RIMS2: variants seen among roughly 807,000 people sequenced by gnomAD.
RIMS2 encodes the protein regulating synaptic membrane exocytosis protein 2.
In RIMS2, 59 loss-of-function variants were observed where a neutral mutation model predicts 174.4. The observed-to-expected ratio is 0.34, with a 90% CI of 0.27 to 0.42. The LOEUF (loss-of-function observed/expected upper bound fraction) is 0.42. Among genes scored for constraint, RIMS2 ranks in the 10% least tolerant of loss-of-function variants. RIMS2 has a pLI of 1.00. For synonymous variants in RIMS2, 606 were observed against 572.5 expected, an observed-to-expected ratio of 1.06 and a Z score of -0.84; for missense variants, 1,620 against 1,666.3, an observed-to-expected ratio of 0.97 and a Z score of 0.48.
chr8:103,833,871 G>A (rs146476656), intron 3 of RIMS2, among the ~76,000 whole-genome samples: 199 of 152,178 alleles, frequency 1.3e-3, no homozygotes, highest in African/African-American at 4.5e-3. Context: ...TTTCTCTTGA[G>A]TATGGATCTT....
At chr8:103,558,303 CCT>C (rs2090901472) in intron 1 of RIMS2, among the ~76,000 whole-genome samples, 1 of 152,274 alleles carries the variant, frequency 6.6e-6, no homozygotes, top group African/African-American at 2.4e-5. Flanking sequence ...CTCACTGCAA[CCT>C]CTGTCTCCTG....
chr8:104,074,700 T>C (rs1284722670), intron 19 of RIMS2, among the ~76,000 whole-genome samples: 1 of 152,096 alleles, frequency 6.6e-6, no homozygotes, highest in African/African-American at 2.4e-5. Flanking sequence ...TTTTTTTTAA[T>C]TAAAGGAGAC....
At chr8:104,073,007 C>G (rs1223089553) in intron 19 of RIMS2, among the ~76,000 whole-genome samples, 3 of 151,890 alleles carry the variant, frequency 2.0e-5, no homozygotes, top group Non-Finnish European at 4.4e-5. Flanking sequence ...TTTTTTTATC[C>G]CAGCTTGAAT....
At chr8:104,116,392 TATAA>T (rs1211583148) in intron 19 of RIMS2, among the ~76,000 whole-genome samples, 3 of 152,192 alleles carry the variant, frequency 2.0e-5, no homozygotes, top group African/African-American at 7.2e-5. Context: ...GTTAAATATG[TATAA>T]ATAAATTATC....
intron 3 of RIMS2, among the ~76,000 whole-genome samples, chr8:103,864,339 T>C (rs961871444): frequency 2.0e-5 from 3 of 152,194 alleles, no homozygotes; most frequent in Admixed American, 6.5e-5. Flanking sequence ...CTTAACATTC[T>C]TTTTGCTGCA....
At chr8:103,641,848 C>G (rs1476315730) in intron 1 of RIMS2, among the ~76,000 whole-genome samples, 1 of 152,102 alleles carries the variant, frequency 6.6e-6, no homozygotes, top group African/African-American at 2.4e-5. Flanking sequence ...AGGCCCTCAT[C>G]TGATGCAGAT....
intron 3 of RIMS2, among the ~76,000 whole-genome samples, chr8:103,771,988 G>A (rs531167756): frequency 7.6e-4 from 116 of 152,028 alleles, no homozygotes; most frequent in African/African-American, 2.5e-3. Flanking sequence ...AAGTTTTAAG[G>A]TAGGTTCAAT....
At chr8:103,794,616 CA>C (rs1192340613) in intron 3 of RIMS2, among the ~76,000 whole-genome samples, 2 of 152,112 alleles carry the variant, frequency 1.3e-5, no homozygotes, top group Non-Finnish European at 2.9e-5. Flanking sequence ...TTCTGCACAG[CA>C]AAAGAAACCA....
At chr8:103,870,423 A>T (rs1168154674) in intron 3 of RIMS2, among the ~76,000 whole-genome samples, 1 of 151,760 alleles carries the variant, frequency 6.6e-6, no homozygotes, top group Non-Finnish European at 1.5e-5. Context: ...ATAATAAAAA[A>T]AATTATAGCA....
At chr8:104,201,484 G>A (rs1173082272) in intron 19 of RIMS2, among the ~76,000 whole-genome samples, 5 of 152,144 alleles carry the variant, frequency 3.3e-5, no homozygotes. Context: ...ATCGAGGAAT[G>A]TAAAAAATTC....
At chr8:103,758,541 G>C (rs903278683) in intron 2 of RIMS2, among the ~76,000 whole-genome samples, 1 of 151,998 alleles carries the variant, frequency 6.6e-6, no homozygotes, top group African/African-American at 2.4e-5. Flanking sequence ...ATTTCAGTTT[G>C]TCATTTCACA....
At chr8:103,885,417 A>G (rs1398491815) in exon 4 of RIMS2, 1 of 1,611,982 alleles carries the variant, frequency 6.2e-7, no homozygotes, top group Admixed American at 1.7e-5. Flanking sequence ...CCATCAGATT[A>G]TGCTGATAGG....
chr8:103,919,262 T>G (rs1236660247), intron 9 of RIMS2, among the ~76,000 whole-genome samples: 1 of 152,138 alleles, frequency 6.6e-6, no homozygotes, highest in Non-Finnish European at 1.5e-5. Context: ...GGGGAAATCT[T>G]TCCAGGTACA....
rs1395822365 is a variant in RIMS2 at position 103,825,747 on chromosome 8, A to T, written c.698+59210A>T. ...TTTTATTTCTTTTAGGTAAATAACT[A>T]AAAGAGAAATTTGTGGATCATAGCG... On this transcript the variant is annotated intron_variant, in intron 3 of 23. Transcript: ENST00000504942. Among the ~76,000 whole-genome samples, 4 of 152,254 alleles carry T rather than the reference A, an allele frequency of 2.6e-5. No homozygotes were observed. The East Asian group carries it at 7.7e-4, about 29-fold the overall frequency.
chr8:103,676,348 G>C (rs1399585290), intron 1 of RIMS2, among the ~76,000 whole-genome samples: 1 of 152,150 alleles, frequency 6.6e-6, no homozygotes, highest in Non-Finnish European at 1.5e-5. Flanking sequence ...TGAGCTCAGG[G>C]TAGAGCCCCT....
intron 3 of RIMS2, among the ~76,000 whole-genome samples, chr8:103,858,988 G>T (rs935626426): frequency 8.6e-5 from 13 of 151,974 alleles, no homozygotes; most frequent in African/African-American, 2.2e-4. Flanking sequence ...GATAATTAAG[G>T]TTCGAATTAA....
At chr8:103,969,596 C>T (rs1221177298) in intron 15 of RIMS2, among the ~76,000 whole-genome samples, 1 of 152,174 alleles carries the variant, frequency 6.6e-6, no homozygotes, top group South Asian at 2.1e-4. Context: ...TCTATTCCTG[C>T]AGGCTGTCCA....
At chr8:103,916,650 C>A in intron 8 of RIMS2, 113 bp downstream of exon 11, 1 of 845,350 alleles carries the variant, frequency 1.2e-6, no homozygotes, top group Non-Finnish European at 1.8e-6. Flanking sequence ...ATTTTGTAGA[C>A]AATAACTTTT....
At chr8:104,061,447 T>C (rs540273057) in intron 19 of RIMS2, among the ~76,000 whole-genome samples, 1 of 152,108 alleles carries the variant, frequency 6.6e-6, no homozygotes, top group East Asian at 1.9e-4. Flanking sequence ...ACACTTTTCT[T>C]CTTATAAAAG....
Sources: allele counts gnomAD v4.1 joint callset (sites outside exome capture counted in the v4.1 genomes callset), GRCh38; gene constraint gnomAD v4.1.1; transcripts MANE v1.5; gene names NCBI Gene and HGNC (gene_info 2026-07-23, HGNC 2026-07-21).